Variants in SCN4B observed in about 807,000 individuals in gnomAD.
SCN4B encodes sodium voltage-gated channel beta subunit 4.
Under a neutral mutation model 19.6 loss-of-function variants are expected in SCN4B, and 20 were observed. That is an observed-to-expected ratio of 1.02 (90% confidence interval 0.72 to 1.48). The LOEUF is 1.48. Among genes scored for constraint, SCN4B ranks in the 40% most tolerant of loss-of-function variants. The pLI is 0.00. For synonymous variants in SCN4B, 127 were observed against 122.8 expected, an observed-to-expected ratio of 1.03 and a Z score of -0.22; for missense variants, 271 against 287.5, an observed-to-expected ratio of 0.94 and a Z score of 0.42.
Position 118,134,942 on chromosome 11 carries a change from G to C in SCN4B, c.*2085C>G. On this transcript the variant is annotated 3_prime_UTR_variant, in exon 5 of 5. Transcript: ENST00000324727. ...TGCATGATCCATCTAGAAATCAGCAGTAGACCCTGGGGAGGAAAGAGAGGA... is the reference window on the plus strand; with the variant it reads ...TGCATGATCCATCTAGAAATCAGCACTAGACCCTGGGGAGGAAAGAGAGGA... 1 of 454,152 alleles carries C rather than the reference G, an allele frequency of 2.2e-6. No individual in the cohort carries two copies. The allele number at this position is 454,152 out of a possible 1,614,324, so 28.1% of individuals were successfully genotyped here.
chr11:118,144,445 C>G (rs757506246), intron 2 of SCN4B, among the ~76,000 whole-genome samples: 1 of 152,162 alleles, frequency 6.6e-6, no homozygotes, highest in Admixed American at 6.5e-5. Flanking sequence ...AATTTTGGCC[C>G]CCTGTCAAGA....
Position 118,135,638 on chromosome 11 carries a change from C to T in SCN4B, c.*1389G>A, listed in dbSNP as rs777546970. ...GGCCGACATCTCCAAGATTCAGTCA[C>T]TGGCCAATTCCAGCCTCATGGCCCC... is the stretch of plus-strand genomic sequence containing the variant. On this transcript the variant is annotated 3_prime_UTR_variant, in exon 5 of 5. Transcript: ENST00000324727. 130 of 454,208 alleles carry T rather than the reference C, an allele frequency of 2.9e-4. 1 individual carries two copies. The highest frequency in any genetic ancestry group is 2.0e-3 in the South Asian group (128 of 64,482). 28.1% of individuals were successfully genotyped at this position (454,208 alleles called of 1,614,324 possible). A position where few individuals can be genotyped will look rare whatever the true frequency, so the allele number is the denominator to read the frequency against.
intron 1 of SCN4B, among the ~76,000 whole-genome samples, chr11:118,149,910 A>G (rs1449035979): frequency 6.6e-6 from 1 of 152,204 alleles, no homozygotes; most frequent in Non-Finnish European, 1.5e-5. Context: ...CAGGTTCAGA[A>G]GGAGAACTAA....
At chr11:118,140,770 C>T (rs1431241335) in intron 4 of SCN4B, among the ~76,000 whole-genome samples, 1 of 152,202 alleles carries the variant, frequency 6.6e-6, no homozygotes, top group Non-Finnish European at 1.5e-5. Flanking sequence ...TTCAGAAATT[C>T]CTAACAGAAG....
chr11:118,151,475 C>T (rs1255691741), intron 1 of SCN4B, among the ~76,000 whole-genome samples: 1 of 152,270 alleles, frequency 6.6e-6, no homozygotes, highest in African/African-American at 2.4e-5. Flanking sequence ...TGCCAAGGTA[C>T]AGGAGAAAAC....
chr11:118,142,779 G>C (rs1056037619), intron 3 of SCN4B: 1 of 152,144 alleles, frequency 6.6e-6, no homozygotes, highest in Non-Finnish European at 1.5e-5. Context: ...CAACTAACTC[G>C]GGATCTGGCA....
intron 2 of SCN4B, 45 bp from the exon 3 acceptor site, chr11:118,144,106 A>G (rs1413585666): frequency 6.0e-6 from 8 of 1,344,334 alleles, no homozygotes; most frequent in East Asian, 2.3e-5. Flanking sequence ...CCGAGAAAGA[A>G]TCGGGGTCCT....
chr11:118,134,686 AAG>A lies in SCN4B; in HGVS notation c.*2339_*2340del, dbSNP rs774339465. On this transcript the variant is annotated 3_prime_UTR_variant, in exon 5 of 5. Coordinates refer to ENST00000324727, the MANE Select transcript of SCN4B (RefSeq NM_174934.4). ...TTCCAAGGGGGGTGGGATGGAAAGA[AAG>A]AGAGAGAGAGTGTGTGTGTCTGTAT... 4 of 453,902 alleles carry A rather than the reference AAG, an allele frequency of 8.8e-6. No individual in the cohort carries two copies. The highest frequency in any genetic ancestry group is 2.0e-5 in the African/African-American group (1 of 49,982). 28.1% of individuals were successfully genotyped at this position (453,902 alleles called of 1,614,324 possible). A position where few individuals can be genotyped will look rare whatever the true frequency, so the allele number is the denominator to read the frequency against.
chr11:118,136,975 GT>G lies in SCN4B; in HGVS notation c.*51del, dbSNP rs1229421897. 1.6e-6 allele frequency: 2 copies of G among 1,273,982 alleles called. No individual in the cohort carries two copies. The highest frequency in any genetic ancestry group is 2.3e-6 in the Non-Finnish European group (2 of 872,556). The allele number at this position is 1,273,982 out of a possible 1,614,324, so 78.9% of individuals were successfully genotyped here. On this transcript the variant is annotated 3_prime_UTR_variant, in exon 5 of 5. Transcript: ENST00000324727. ...TTCTACGGTCGGGGCTCAAGCATCA[GT>G]TTCATCATCAGAAAGGGGGCTCCCT...
chr11:118,149,465 C>T (rs1018792705), intron 1 of SCN4B, among the ~76,000 whole-genome samples: 29 of 152,226 alleles, frequency 1.9e-4, no homozygotes, highest in African/African-American at 7.0e-4. Context: ...AGGACCCCTC[C>T]TGGGGTGCAG....
intron 1 of SCN4B, among the ~76,000 whole-genome samples, chr11:118,146,433 G>A (rs2135506609): frequency 6.6e-6 from 1 of 152,292 alleles, no homozygotes. Flanking sequence ...CCTCCCTAGA[G>A]GACACTGGCA....
In SCN4B at chr11:118,148,854, T is replaced by C. The variant is rs1455465601; in HGVS notation, c.62-3625A>G. Among the ~76,000 whole-genome samples the C allele has an allele frequency of 2.0e-5, 3 of 152,194 alleles. No individual in the cohort carries two copies. The highest frequency in any genetic ancestry group is 1.3e-4 in the Admixed American group (2 of 15,286). On this transcript the variant is annotated intron_variant, in intron 1 of 4. Coordinates refer to ENST00000324727, the MANE Select transcript of SCN4B (RefSeq NM_174934.4). This position sits in a 1 kb window ranked among gnomAD's most constrained non-coding sequence, Gnocchi z 4.0. ...AAGAAAGCCTTGCTTTGCTGTTTTC[T>C]AAAGTTAATTCTAGAATGTTAAAGT...
At chr11:118,141,387 C>A (rs774503789) in intron 3 of SCN4B, 51 bp from the exon 4 acceptor site, 1 of 1,610,664 alleles carries the variant, frequency 6.2e-7, no homozygotes, top group South Asian at 1.1e-5. Flanking sequence ...GAGCAAGAGT[C>A]AACCTGGAGC....
rs759761004 is a variant in SCN4B, at chr11:118,141,293, G to A, written c.507C>T (p.Val169=). Residue 169 remains valine (V), a synonymous_variant, in exon 4 of 5, where the codon GTC becomes GTT. Transcript: ENST00000324727. The stretch of plus-strand genomic sequence containing the variant: ...TGAGGAGCCCGATGACCCCGCCCAC[G>A]ACAGCCAGGATGATGAGTGTCACTG... ...DNTVTLIILA[V]VGGVIGLLIL... is the part of the protein sequence containing the mutation. The A allele has an allele frequency of 8.1e-6, 13 of 1,612,506 alleles. No individual in the cohort carries two copies. The Admixed American group carries it at 1.8e-4, about 23-fold the overall frequency.
At chr11:118,150,460 A>C (rs1239781937) in intron 1 of SCN4B, among the ~76,000 whole-genome samples, 2 of 152,076 alleles carry the variant, frequency 1.3e-5, no homozygotes, top group Non-Finnish European at 2.9e-5. Context: ...TTATCCTTCC[A>C]CACTCATGCC....
chr11:118,141,239 G>T lies in SCN4B; in HGVS notation c.561C>A (p.Ile187=). Reference sequence around the variant, plus strand: ...CCCGAGTCTTCTTCAGGATGAAGATGATGAGTTTCTTGATCAGCAGGATGA... The same window carrying T: ...CCCGAGTCTTCTTCAGGATGAAGATTATGAGTTTCTTGATCAGCAGGATGA... ...LILILLIKKL[I]IFILKKTREK... is the part of the protein sequence containing the mutation. Residue 187 remains isoleucine, a synonymous_variant, in exon 4 of 5, where the codon ATC becomes ATA. Transcript: ENST00000324727. 6.2e-7 allele frequency: 1 copy of T among 1,613,054 alleles called. No individual in the cohort carries two copies. The highest frequency in any genetic ancestry group is 8.5e-7 in the Non-Finnish European group (1 of 1,180,008).
At chr11:118,141,185 A>C in intron 4 of SCN4B, 22 bp downstream of exon 4, 2 of 1,612,666 alleles carry the variant, frequency 1.2e-6, no homozygotes, top group East Asian at 2.2e-5. Context: ...GGAGGACAGG[A>C]GTGTGCTCCA....
At chr11:118,138,159 C>T (rs1438571601) in intron 4 of SCN4B, among the ~76,000 whole-genome samples, 1 of 152,236 alleles carries the variant, frequency 6.6e-6, no homozygotes, top group Non-Finnish European at 1.5e-5. Context: ...TCCCTCTGAG[C>T]TTTCTGCTCA....
In SCN4B at chr11:118,145,200, G is replaced by C; in HGVS notation, c.91C>G (p.Leu31Val). The change falls in exon 2 of 5, where the codon CTG becomes GTG. Residue 31 changes from leucine to valine, a missense_variant. By Grantham distance (32) the Leu-to-Val change is conservative. Transcript: ENST00000324727. ...GLFLLPVTLS[L>V]EVSVGKATDI... ...GTGGCCTTTCCCACAGACACCTCCAGCGACAGGGTTACGGGGAGCAGGAAG... is the reference window on the plus strand; with the variant it reads ...GTGGCCTTTCCCACAGACACCTCCACCGACAGGGTTACGGGGAGCAGGAAG... The C allele has an allele frequency of 6.2e-7, 1 of 1,614,044 alleles. No homozygotes were observed.
Sources: allele counts gnomAD v4.1 joint callset (sites outside exome capture counted in the v4.1 genomes callset), GRCh38; gene constraint gnomAD v4.1.1; non-coding constraint Gnocchi (gnomAD v3.1); transcripts MANE v1.5; gene names NCBI Gene and HGNC (gene_info 2026-07-23, HGNC 2026-07-21).